Variants in KCNQ1 observed in about 807,000 individuals in gnomAD.
KCNQ1 encodes the protein potassium voltage-gated channel subfamily KQT member 1.
Under a neutral mutation model 72.4 loss-of-function variants are expected in KCNQ1, and 49 were observed. The observed-to-expected ratio is 0.68, with a 90% CI of 0.54 to 0.86. The LOEUF is 0.86. Among genes scored for constraint, KCNQ1 ranks in the 40% least tolerant of loss-of-function variants. The pLI is 0.00. For synonymous variants in KCNQ1, 450 were observed against 412.6 expected (o/e 1.09, Z -1.10); for missense variants, 790 against 945.1 (o/e 0.84, Z 2.15).
chr11:2,561,851 C>T (rs991507046), intron 2 of KCNQ1, among the ~76,000 whole-genome samples: 7 of 152,178 alleles, frequency 4.6e-5, no homozygotes, highest in East Asian at 1.9e-4. Flanking sequence ...CTACCTTGGG[C>T]GGGCAGGGCC....
intron 11 of KCNQ1, among the ~76,000 whole-genome samples, chr11:2,716,600 C>T (rs1353167602): frequency 1.3e-5 from 2 of 152,234 alleles, no homozygotes; most frequent in African/African-American, 4.8e-5. Context: ...TCTGCAGGGC[C>T]TGGTGGAATT....
chr11:2,525,170 C>T (rs1331086661), intron 1 of KCNQ1, among the ~76,000 whole-genome samples: 1 of 152,194 alleles, frequency 6.6e-6, no homozygotes, highest in Non-Finnish European at 1.5e-5. Context: ...CTTCTAAGAA[C>T]CTGGAGGGAA....
chr11:2,797,805 C>T (rs987920891), intron 15 of KCNQ1, among the ~76,000 whole-genome samples: 11 of 152,120 alleles, frequency 7.2e-5, no homozygotes, highest in Non-Finnish European at 8.8e-5. Context: ...ACATGGCCTT[C>T]GGCACCCAGC....
At position 2,469,225 on chromosome 11, in the gene KCNQ1, G is replaced by A. The variant is rs557788857; in HGVS notation, c.386+23741G>A. Among the ~76,000 whole-genome samples, 5 of 151,314 alleles carry A rather than the reference G, an allele frequency of 3.3e-5. No individual in the cohort carries two copies. In the South Asian group the frequency reaches 1.0e-3, roughly 32 times the overall value. ...TGGTAAAGTGTCTGTCAAATTGTCT[G>A]TTAAGAAAACGTGGGTGGTTTTTCA... is the stretch of plus-strand genomic sequence containing the variant. On this transcript the variant is annotated intron_variant, in intron 1 of 15. Coordinates refer to ENST00000155840, the MANE Select transcript of KCNQ1 (RefSeq NM_000218.3).
chr11:2,598,174 G>C lies in KCNQ1; in HGVS notation c.1393+9320G>C, dbSNP rs914543815. 6.6e-6 allele frequency among the ~76,000 whole-genome samples: 1 copy of C among 152,040 alleles called. No individual in the cohort carries two copies. The highest frequency in any genetic ancestry group is 1.9e-4 in the East Asian group (1 of 5,198). ...TTCTTCTACTAAAGGCATTTTTAAA[G>C]GCTATAAATTTTCCTCTGATTGCAG... On this transcript the variant is annotated intron_variant, in intron 10 of 15. Coordinates refer to ENST00000155840, the MANE Select transcript of KCNQ1 (RefSeq NM_000218.3). This position sits in a 1 kb window ranked among gnomAD's most constrained non-coding sequence, Gnocchi z 6.2.
chr11:2,470,940 T>G (rs1417775400), intron 1 of KCNQ1, among the ~76,000 whole-genome samples: 1 of 152,206 alleles, frequency 6.6e-6, no homozygotes, highest in Non-Finnish European at 1.5e-5. Context: ...TTTTCTGTTT[T>G]CTTCCAGAAA....
chr11:2,699,772 C>T (rs1850758800), intron 11 of KCNQ1: 6 of 397,304 alleles, frequency 1.5e-5, no homozygotes, highest in South Asian at 1.3e-4. Context: ...CGCTGAGGAG[C>T]CCCGAGGAGA....
rs794728565 is a variant in KCNQ1 at position 2,527,942 on chromosome 11, TG to T, written c.403del (p.Val135SerfsTer102). On this transcript the variant is annotated frameshift_variant, in exon 2 of 16. Transcript: ENST00000155840. LOFTEE classifies it high-confidence loss of function. The part of the protein sequence containing the change: ...VYHFAVFLIV[L>X]VCLIFSVLST... ...CTGTCTTGCAGCTTCCTCATCGTCC[TG>T]GTCTGCCTCATCTTCAGCGTGCTGT... 6.2e-7 allele frequency: 1 copy of T among 1,614,110 alleles called. No homozygotes were observed. Among genetic ancestry groups the T allele is most frequent in the Non-Finnish European group, 8.5e-7 (1 of 1,179,994 alleles).
chr11:2,532,818 C>G (rs1029043513), intron 2 of KCNQ1, among the ~76,000 whole-genome samples: 19 of 152,174 alleles, frequency 1.2e-4, no homozygotes, highest in Non-Finnish European at 2.5e-4. Context: ...GGAGTGAGGA[C>G]GGCTGTTGGG....
chr11:2,631,945 G>A lies in KCNQ1; in HGVS notation c.1394-30016G>A, dbSNP rs1849360250. On this transcript the variant is annotated intron_variant, in intron 10 of 15. Transcript: ENST00000155840. The stretch of plus-strand genomic sequence containing the variant: ...CGCCTGTAATCCCAGCACTTTGGGA[G>A]GCTGAGGAGGGCAGATCACAAGGTC... 7.6e-6 allele frequency: 3 copies of A among 397,108 alleles called. No homozygotes were observed. The East Asian group carries it at 1.1e-4, about 14-fold the overall frequency. 24.6% of individuals were successfully genotyped at this position (397,108 alleles called of 1,614,324 possible).
intron 10 of KCNQ1, chr11:2,610,893 T>C: frequency 2.5e-6 from 1 of 398,404 alleles, no homozygotes; most frequent in East Asian, 3.6e-5. Context: ...CACCATTTCA[T>C]CCAAGAATAG....
rs1466022211 is a variant in KCNQ1, at chr11:2,595,371, G to C, written c.1393+6517G>C. Reference sequence around the variant, plus strand: ...AGAAATTGAGATTTTTAAAATACAGGCGTGTCTCATTCTTATTGACTGCAC... The same window carrying C: ...AGAAATTGAGATTTTTAAAATACAGCCGTGTCTCATTCTTATTGACTGCAC... On this transcript the variant is annotated intron_variant, in intron 10 of 15. Coordinates refer to ENST00000155840, the MANE Select transcript of KCNQ1 (RefSeq NM_000218.3). The surrounding 1 kb of genome is among the most constrained non-coding windows in gnomAD (Gnocchi z 5.0). Among the ~76,000 whole-genome samples, 1 of 151,964 alleles carries C rather than the reference G, an allele frequency of 6.6e-6. No homozygotes were observed. The highest frequency in any genetic ancestry group is 2.4e-5 in the African/African-American group (1 of 41,366).
chr11:2,826,700 C>G lies in KCNQ1; in HGVS notation c.1795-21067C>G, dbSNP rs926981376. Reference sequence around the variant, plus strand: ...AGGGGTGCAGAGGGCCAGAGAGGCACGGGGCTCCCCTGGGCACCCCTCGTC... The same window carrying G: ...AGGGGTGCAGAGGGCCAGAGAGGCAGGGGGCTCCCCTGGGCACCCCTCGTC... On this transcript the variant is annotated intron_variant, in intron 15 of 15. Coordinates refer to ENST00000155840, the MANE Select transcript of KCNQ1 (RefSeq NM_000218.3). This position sits in a 1 kb window ranked among gnomAD's most constrained non-coding sequence, Gnocchi z 4.2. 1.3e-5 allele frequency among the ~76,000 whole-genome samples: 2 copies of G among 152,230 alleles called. No homozygotes were observed. The highest frequency in any genetic ancestry group is 2.9e-5 in the Non-Finnish European group (2 of 68,038).
intron 1 of KCNQ1, among the ~76,000 whole-genome samples, chr11:2,453,168 G>C (rs915148038): frequency 2.6e-5 from 4 of 152,230 alleles, no homozygotes; most frequent in Non-Finnish European, 5.9e-5. Flanking sequence ...TAGGTCGGGA[G>C]TTCGAGACCA....
chr11:2,471,994 G>A lies in KCNQ1; in HGVS notation c.386+26510G>A, dbSNP rs1219763825. 6.6e-6 allele frequency among the ~76,000 whole-genome samples: 1 copy of A among 151,606 alleles called. No individual in the cohort carries two copies. Among genetic ancestry groups the A allele is most frequent in the East Asian group, 1.9e-4 (1 of 5,142 alleles). ...GGTGTGTGTGCACCTATGTGTATAA[G>A]TGTGTGTGCACATGTGTATAGGTGT... On this transcript the variant is annotated intron_variant, in intron 1 of 15. Coordinates refer to ENST00000155840, the MANE Select transcript of KCNQ1 (RefSeq NM_000218.3). The surrounding 1 kb of genome is among the most constrained non-coding windows in gnomAD (Gnocchi z 4.8).
At chr11:2,650,639 C>T (rs370469940) in intron 10 of KCNQ1, 7 of 398,672 alleles carry the variant, frequency 1.8e-5, no homozygotes, top group African/African-American at 1.2e-4. Context: ...ATGTTGCTAA[C>T]TACCTTCAAA....
Position 2,562,607 on chromosome 11 carries a change from C to A in KCNQ1, c.478-8021C>A, listed in dbSNP as rs774996726. ...TAATCCCGGGTCCCCACAGCACCCT[C>A]AGCCTAACCCCTGTGTCCACCCCTC... On this transcript the variant is annotated intron_variant, in intron 2 of 15. Transcript: ENST00000155840. The surrounding 1 kb of genome is among the most constrained non-coding windows in gnomAD (Gnocchi z 7.5). 3.9e-5 allele frequency among the ~76,000 whole-genome samples: 6 copies of A among 152,200 alleles called. No homozygotes were observed. Among genetic ancestry groups the A allele is most frequent in the Non-Finnish European group, 7.4e-5 (5 of 68,024 alleles).
chr11:2,575,272 C>T (rs1224753246), intron 6 of KCNQ1, among the ~76,000 whole-genome samples: 3 of 152,182 alleles, frequency 2.0e-5, no homozygotes, highest in East Asian at 1.9e-4. Context: ...ATCAGTGCCC[C>T]GGCCCACACC....
chr11:2,451,575 C>T lies in KCNQ1; in HGVS notation c.386+6091C>T, dbSNP rs1372893512. On this transcript the variant is annotated intron_variant, in intron 1 of 15. Coordinates refer to ENST00000155840, the MANE Select transcript of KCNQ1 (RefSeq NM_000218.3). The surrounding 1 kb of genome is among the most constrained non-coding windows in gnomAD (Gnocchi z 6.4). ...CTGGGTGGATGGACCAGCAGAAAGG[C>T]TCCCAGGAGGGTCGTGGCTCCCTCA... Among the ~76,000 whole-genome samples, 1 of 152,202 alleles carries T rather than the reference C, an allele frequency of 6.6e-6. No individual in the cohort carries two copies. Among genetic ancestry groups the T allele is most frequent in the African/African-American group, 2.4e-5 (1 of 41,450 alleles).
Sources: gnomAD v4.1 joint callset for allele counts (sites outside exome capture counted in the v4.1 genomes callset) on GRCh38, gnomAD v4.1.1 for gene constraint, Gnocchi (gnomAD v3.1) non-coding constraint, MANE v1.5 for transcripts, NCBI Gene and HGNC (gene_info 2026-07-23, HGNC 2026-07-21) for gene names.